The following POLR1B variants were observed in gnomAD, a reference collection of about 807,000 sequenced individuals.
POLR1B encodes the protein DNA-directed RNA polymerase I subunit RPA2.
A neutral mutation model predicts 105.8 loss-of-function variants in POLR1B; 30 were observed. The ratio of observed to expected loss-of-function variants is 0.28; its 90% confidence interval spans 0.21 to 0.38. The LOEUF (loss-of-function observed/expected upper bound fraction) is 0.38. Among genes scored for constraint, POLR1B ranks in the 10% least tolerant of loss-of-function variants. The pLI, the probability that POLR1B is intolerant of heterozygous loss-of-function variation, is 1.00. For synonymous variants in POLR1B, 485 were observed against 505.1 expected, an observed-to-expected ratio of 0.96 and a Z score of 0.53; for missense variants, 976 against 1,435.8, an observed-to-expected ratio of 0.68 and a Z score of 5.17.
intron 10 of POLR1B, among the ~76,000 whole-genome samples, chr2:112,566,276 C>T: frequency 6.6e-6 from 1 of 152,184 alleles, no homozygotes; most frequent in East Asian, 1.9e-4. Context: ...ATTCACTGTA[C>T]AGTTTCTGTT....
chr2:112,559,659 G>C, intron 9 of POLR1B, 85 bp downstream of exon 9: 3 of 1,488,508 alleles, frequency 2.0e-6, no homozygotes, highest in Non-Finnish European at 9.2e-7. Flanking sequence ...GAGATGGAGT[G>C]TTGCTATGTC....
At chr2:112,573,489 G>A in intron 13 of POLR1B, 73 bp from the exon 14 acceptor site, 2 of 1,516,642 alleles carry the variant, frequency 1.3e-6, no homozygotes, top group Non-Finnish European at 1.8e-6. Context: ...AACCAAGTAT[G>A]ATAGTCCCAC....
At chr2:112,564,307 A>T in intron 9 of POLR1B, 59 bp from the exon 10 acceptor site, 1 of 1,591,240 alleles carries the variant, frequency 6.3e-7, no homozygotes, top group Non-Finnish European at 8.6e-7. Context: ...ATCTGGAGGG[A>T]ATCTGGAATG....
intron 12 of POLR1B, among the ~76,000 whole-genome samples, chr2:112,569,497 CTG>C (rs1329921004): frequency 2.0e-5 from 3 of 151,990 alleles, no homozygotes; most frequent in Non-Finnish European, 4.4e-5. Context: ...TGTTGTTACA[CTG>C]TCTCTTCTTA....
chr2:112,559,147 A>T, intron 8 of POLR1B, 146 bp from the exon 9 acceptor site: 2 of 1,018,680 alleles, frequency 2.0e-6, no homozygotes, highest in South Asian at 1.6e-5. Context: ...TGAACTCTTT[A>T]CACTCATCAG....
At position 112,542,753 on chromosome 2, in the gene POLR1B, G is replaced by A. The variant is rs4849071; in HGVS notation, c.177+82G>A. 1,035,883 of 1,522,762 alleles carry A rather than the reference G, an allele frequency of 0.68. 353,456 individuals carry two copies. Among genetic ancestry groups the A allele is most frequent in the African/African-American group, 0.77 (55,880 of 72,650 alleles). The allele number at this position is 1,522,762 out of a possible 1,614,324, so 94.3% of individuals were successfully genotyped here. A position where few individuals can be genotyped will look rare whatever the true frequency, so the allele number is the denominator to read the frequency against. Reference sequence around the variant, plus strand: ...GCTGGGAGGTCACAGTATGACCCCAGATGCATGTGCTCCTTGATCCTGACA... The same window carrying A: ...GCTGGGAGGTCACAGTATGACCCCAAATGCATGTGCTCCTTGATCCTGACA... On this transcript the variant is annotated intron_variant, in intron 1 of 14. Coordinates refer to ENST00000263331, the MANE Select transcript of POLR1B (RefSeq NM_019014.6).
At chr2:112,542,828 CT>C in intron 1 of POLR1B, 157 bp downstream of exon 1, 1 of 886,164 alleles carries the variant, frequency 1.1e-6, no homozygotes, top group South Asian at 1.8e-5. Context: ...GGACGCGGTA[CT>C]GGCCTTCGTG....
At chr2:112,568,646 G>A (rs1684428535) in intron 11 of POLR1B, 100 bp from the exon 12 acceptor site, 2 of 1,374,376 alleles carry the variant, frequency 1.5e-6, no homozygotes, top group Admixed American at 3.9e-5. Flanking sequence ...GGTGGGGATG[G>A]TTTTCTCTTG....
At chr2:112,553,645 T>C (rs1229332947) in intron 7 of POLR1B, 5 of 152,054 alleles carry the variant, frequency 3.3e-5, no homozygotes, top group Non-Finnish European at 7.4e-5. Context: ...TCCCCAAGCA[T>C]AGCACTGAAG....
chr2:112,542,059 G>A (rs975313101), upstream of POLR1B: 12 of 1,514,670 alleles, frequency 7.9e-6, no homozygotes, highest in African/African-American at 9.6e-5. Flanking sequence ...TGACTCCCCA[G>A]GGTCGGCATC....
intron 9 of POLR1B, among the ~76,000 whole-genome samples, chr2:112,562,850 C>T (rs1298044581): frequency 2.0e-5 from 3 of 149,506 alleles, no homozygotes; most frequent in African/African-American, 4.9e-5. Flanking sequence ...CTCAGCCTTG[C>T]GAGTAGCCGG....
In POLR1B at chr2:112,552,836, A is replaced by T; in HGVS notation, c.1158+20A>T. ...CTGAAGGTAAATGCATGCTATGTCC[A>T]CCCTTGGCCAGTGGTACCACTTGTG... On this transcript the variant is annotated intron_variant, in intron 7 of 14. Transcript: ENST00000263331. 2.6e-6 allele frequency: 4 copies of T among 1,516,386 alleles called. No individual in the cohort carries two copies. The allele number at this position is 1,516,386 out of a possible 1,614,324, so 93.9% of individuals were successfully genotyped here. A position where few individuals can be genotyped will look rare whatever the true frequency, so the allele number is the denominator to read the frequency against.
At chr2:112,544,182 G>A (rs1682917522) in intron 1 of POLR1B, among the ~76,000 whole-genome samples, 1 of 152,046 alleles carries the variant, frequency 6.6e-6, no homozygotes, top group South Asian at 2.1e-4. Flanking sequence ...TGTAATCCCT[G>A]CACTTTGGGA....
intron 11 of POLR1B, among the ~76,000 whole-genome samples, chr2:112,568,417 C>T (rs6743755): frequency 4.5e-4 from 69 of 152,276 alleles, no homozygotes; most frequent in African/African-American, 1.5e-3. Flanking sequence ...CTGCCTCAGC[C>T]GTGAAGTGAA....
chr2:112,566,827 T>C lies in POLR1B; in HGVS notation c.1747-1140T>C, dbSNP rs186264543. 2.1e-3 allele frequency among the ~76,000 whole-genome samples: 314 copies of C among 151,676 alleles called. 10 individuals carry two copies. The highest frequency in any genetic ancestry group is 3.7e-4 in the Non-Finnish European group (25 of 67,834). On this transcript the variant is annotated intron_variant, in intron 10 of 14. Coordinates refer to ENST00000263331, the MANE Select transcript of POLR1B (RefSeq NM_019014.6). The stretch of plus-strand genomic sequence containing the variant: ...GGCTCACTGCAGCCTCCGCCTCCCA[T>C]GTTCAAGCAATTCTCCTGCCTCGGT...
upstream of POLR1B, chr2:112,542,202 C>T: frequency 6.5e-7 from 1 of 1,535,676 alleles, no homozygotes; most frequent in Non-Finnish European, 8.7e-7. Flanking sequence ...CGGGTTTCCA[C>T]CTGCGGCATC....
At chr2:112,573,133 C>T (rs921492247) in intron 13 of POLR1B, among the ~76,000 whole-genome samples, 2 of 152,128 alleles carry the variant, frequency 1.3e-5, no homozygotes, top group East Asian at 1.9e-4. Flanking sequence ...GACGGAGTCT[C>T]GCTCTGTTGC....
Position 112,573,134 on chromosome 2 carries a change from G to A in POLR1B, c.2271+376G>A, listed in dbSNP as rs147987162. On this transcript the variant is annotated intron_variant, in intron 13 of 14. Coordinates refer to ENST00000263331, the MANE Select transcript of POLR1B (RefSeq NM_019014.6). ...TTTTTTATTTTTGAGACGGAGTCTC[G>A]CTCTGTTGCCCAGGCTGGAGTGCAG... Among the ~76,000 whole-genome samples the A allele has an allele frequency of 3.2e-3, 489 of 152,126 alleles. 7 individuals are homozygous for A. The highest frequency in any genetic ancestry group is 0.013 in the Admixed American group (199 of 15,272).
Position 112,547,055 on chromosome 2 carries a change from CTT to C in POLR1B, c.224_225del (p.Phe75TyrfsTer42). The C allele has an allele frequency of 6.2e-7, 1 of 1,614,180 alleles. No individual in the cohort carries two copies. Among genetic ancestry groups the C allele is most frequent in the Non-Finnish European group, 8.5e-7 (1 of 1,180,020 alleles). On this transcript the variant is annotated frameshift_variant, in exon 2 of 15. Coordinates refer to ENST00000263331, the MANE Select transcript of POLR1B (RefSeq NM_019014.6). LOFTEE classifies it high-confidence loss of function. ...TTTGCTTTCAAAGATGAGCGTATCTCTTTTACTATTCTGGATGCTGTTATCAG... is the reference window on the plus strand; with the variant it reads ...TTTGCTTTCAAAGATGAGCGTATCTCTTACTATTCTGGATGCTGTTATCAG...
Sources: gnomAD v4.1 joint callset for allele counts (sites outside exome capture counted in the v4.1 genomes callset) on GRCh38, gnomAD v4.1.1 for gene constraint, MANE v1.5 for transcripts, NCBI Gene and HGNC (gene_info 2026-07-23, HGNC 2026-07-21) for gene names.